The following USP53 variants were observed in gnomAD, a reference collection of about 807,000 sequenced individuals.
The protein encoded by USP53 is ubiquitin carboxyl-terminal hydrolase 53.
Under a neutral mutation model 94.9 loss-of-function variants are expected in USP53, and 71 were observed. The observed-to-expected ratio is 0.75, with a 90% CI of 0.62 to 0.91. USP53 has a LOEUF of 0.91. Ranked by LOEUF, USP53 falls within the 40% of genes least tolerant of loss-of-function variation. The probability of loss-of-function intolerance (pLI) is 0.00; values close to 1 mark genes in which losing one functional copy is unlikely to be tolerated. For missense variants in USP53, 1,173 were observed against 1,281.0 expected (o/e 0.92, Z 1.29); for synonymous variants, 375 against 422.7 (o/e 0.89, Z 1.39).
At chr4:119,287,180 G>A (rs1288333189) in intron 17 of USP53, among the ~76,000 whole-genome samples, 1 of 151,956 alleles carries the variant, frequency 6.6e-6, no homozygotes, top group Non-Finnish European at 1.5e-5. Flanking sequence ...TTGTATGCTA[G>A]ATACTGTGTT....
intron 17 of USP53, among the ~76,000 whole-genome samples, chr4:119,278,348 C>T (rs1752947169): frequency 6.6e-6 from 1 of 151,142 alleles, no homozygotes; most frequent in African/African-American, 2.4e-5. Flanking sequence ...TTTATTTCTC[C>T]TTCACTTATG....
intron 3 of USP53, among the ~76,000 whole-genome samples, chr4:119,234,586 T>C (rs980657376): frequency 6.6e-6 from 1 of 152,206 alleles, no homozygotes; most frequent in African/African-American, 2.4e-5. Context: ...TTGAAAATAT[T>C]ATTTCAAAAA....
chr4:119,214,096 C>CCCTTCGT lies in USP53; in HGVS notation c.-911_-905dup, dbSNP rs1743350911. The CCCTTCGT allele has an allele frequency of 6.7e-6, 1 of 149,216 alleles. No individual in the cohort carries two copies. Among genetic ancestry groups the CCCTTCGT allele is most frequent in the Admixed American group, 6.7e-5 (1 of 15,022 alleles). 9.2% of individuals were successfully genotyped at this position (149,216 alleles called of 1,614,324 possible). ...TCCGTGATGATGGTCTAAGCAAAGA[C>CCCTTCGT]CCTTCGTCCTGTTAAAGATAAATTA... On this transcript the variant is annotated 5_prime_UTR_variant, in exon 2 of 19. Transcript: ENST00000692078.
At chr4:119,219,540 G>A (rs893618496) in intron 3 of USP53, 1 of 152,196 alleles carries the variant, frequency 6.6e-6, no homozygotes, top group African/African-American at 2.4e-5. Flanking sequence ...CTGGGACTTG[G>A]ACATATGTTT....
intron 3 of USP53, among the ~76,000 whole-genome samples, chr4:119,222,780 C>CAAT: frequency 6.6e-6 from 1 of 152,126 alleles, no homozygotes; most frequent in Admixed American, 6.6e-5. Context: ...GTATAGACAT[C>CAAT]TCTTTGATTT....
intron 4 of USP53, among the ~76,000 whole-genome samples, chr4:119,236,452 T>G (rs1318228897): frequency 1.3e-5 from 2 of 152,218 alleles, no homozygotes; most frequent in African/African-American, 4.8e-5. Flanking sequence ...ACATTGACTC[T>G]TCCTTTCACC....
At chr4:119,255,854 C>T (rs527783708) in intron 7 of USP53, among the ~76,000 whole-genome samples, 159 of 152,210 alleles carry the variant, frequency 1.0e-3, no homozygotes, top group African/African-American at 1.5e-3. Context: ...AGCTGTAGAC[C>T]GGAGCTGTTC....
intron 7 of USP53, among the ~76,000 whole-genome samples, chr4:119,251,350 T>C (rs1748976580): frequency 6.6e-6 from 1 of 152,218 alleles, no homozygotes; most frequent in Non-Finnish European, 1.5e-5. Flanking sequence ...TTGTGAATAG[T>C]GCCACAATAA....
Position 119,292,937 on chromosome 4 carries a change from A to C in USP53, c.2948A>C (p.Lys983Thr). The change falls in exon 19 of 19, where the codon AAA becomes ACA. Residue 983 changes from lysine to threonine, a missense_variant. Coordinates refer to ENST00000692078, the MANE Select transcript of USP53 (RefSeq NM_001371395.1). ...ACACATATGAATGATGAAAGACATA[A>C]AGAAACATTTCAAGTGAGAGAATGT... ...VSTHMNDERH[K>T]ETFQVRECFG... is the part of the protein sequence containing the mutation. 6.2e-7 allele frequency: 1 copy of C among 1,614,066 alleles called. No individual in the cohort carries two copies. The highest frequency in any genetic ancestry group is 8.5e-7 in the Non-Finnish European group (1 of 1,179,936).
chr4:119,269,046 A>G (rs2149410982), intron 14 of USP53, among the ~76,000 whole-genome samples: 1 of 152,326 alleles, frequency 6.6e-6, no homozygotes, highest in Non-Finnish European at 1.5e-5. Context: ...AACTCATTTA[A>G]TCAAGGGTAG....
intron 6 of USP53, among the ~76,000 whole-genome samples, chr4:119,246,636 T>C (rs538364628): frequency 6.6e-6 from 1 of 152,212 alleles, no homozygotes; most frequent in Non-Finnish European, 1.5e-5. Flanking sequence ...TAGGGCCTTA[T>C]AGGCCTCTGT....
At position 119,245,364 on chromosome 4, in the gene USP53, C is replaced by T. The variant is rs951241448; in HGVS notation, c.172C>T (p.Arg58Ter). 6.2e-6 allele frequency: 10 copies of T among 1,613,638 alleles called. No homozygotes were observed. The highest frequency in any genetic ancestry group is 2.7e-5 in the African/African-American group (2 of 74,874). Reference protein sequence around the residue: ...QVLWQLDIFRRSLRVLTGHVC... With the variant: ...QVLWQLDIFR ...TTTATGGCAATTGGATATATTCCGA[C>T]GAAGCTTGCGGGTTTTGACTGGACA... Residue 58 changes from arginine (R) to a stop codon, truncating the protein, a stop_gained, in exon 6 of 19, where the codon CGA (arginine) becomes TGA (stop). Coordinates refer to ENST00000692078, the MANE Select transcript of USP53 (RefSeq NM_001371395.1). LOFTEE classifies it high-confidence loss of function.
Position 119,272,027 on chromosome 4 carries a change from TG to T in USP53, c.2168del (p.Cys723SerfsTer11). On this transcript the variant is annotated frameshift_variant, in exon 16 of 19. Coordinates refer to ENST00000692078, the MANE Select transcript of USP53 (RefSeq NM_001371395.1). LOFTEE classifies it high-confidence loss of function. ...TATCAGTGGTGTTAAAGAAACAGTA[TG>T]CTTCAGGTAATGTAAAAGTTGAGTG... Reference protein sequence around the residue: ...MDISGVKETVCFSDQITTSNL... With the variant: ...MDISGVKETVXFSDQITTSNL... 1 of 1,561,020 alleles carries T rather than the reference TG, an allele frequency of 6.4e-7. No individual in the cohort carries two copies. Among genetic ancestry groups the T allele is most frequent in the Non-Finnish European group, 8.6e-7 (1 of 1,156,446 alleles).
intron 12 of USP53, chr4:119,266,356 A>G (rs1429405111): frequency 2.2e-6 from 1 of 456,178 alleles, no homozygotes; most frequent in South Asian, 1.5e-5. Flanking sequence ...TTAACTTTAC[A>G]AGAAACTGTC....
intron 17 of USP53, among the ~76,000 whole-genome samples, chr4:119,285,417 A>T (rs10010174): frequency 6.6e-6 from 1 of 151,610 alleles, no homozygotes; most frequent in African/African-American, 2.4e-5. Flanking sequence ...ATTTGCTTCC[A>T]GAGTCTGCAA....
chr4:119,288,724 G>A (rs979115054), intron 17 of USP53, among the ~76,000 whole-genome samples: 5 of 152,024 alleles, frequency 3.3e-5, no homozygotes, highest in African/African-American at 1.2e-4. Context: ...ATCACCTGAG[G>A]TTTGGAGTTC....
intron 17 of USP53, among the ~76,000 whole-genome samples, chr4:119,281,488 A>G (rs1028913286): frequency 3.9e-5 from 6 of 152,204 alleles, no homozygotes; most frequent in African/African-American, 1.4e-4. Context: ...TACTATCAGA[A>G]GGAAACACTT....
At chr4:119,268,123 C>T (rs1161207928) in intron 13 of USP53, 145 bp from the exon 14 acceptor site, 16 of 686,178 alleles carry the variant, frequency 2.3e-5, no homozygotes, top group Admixed American at 1.4e-4. Flanking sequence ...GCCGAGATTG[C>T]GCCACTGCAG....
At chr4:119,240,012 G>T in intron 5 of USP53, 109 bp downstream of exon 5, 2 of 1,129,662 alleles carry the variant, frequency 1.8e-6, no homozygotes, top group Admixed American at 3.9e-5. Flanking sequence ...AGACTAGAAT[G>T]ACTTTTTAAT....
Sources: gnomAD v4.1 joint callset for allele counts (sites outside exome capture counted in the v4.1 genomes callset) on GRCh38, gnomAD v4.1.1 for gene constraint, MANE v1.5 for transcripts, NCBI Gene and HGNC (gene_info 2026-07-23, HGNC 2026-07-21) for gene names.